FHIT: variants seen among roughly 807,000 people sequenced by gnomAD.
FHIT encodes the protein bis(5'-adenosyl)-triphosphatase.
FHIT carries 19 observed loss-of-function variants against 17.9 expected under a neutral mutation model. The observed-to-expected ratio is 1.06, with a 90% confidence interval of 0.74 to 1.56. The LOEUF is 1.56. Ranked by LOEUF, FHIT falls within the 40% of genes most tolerant of loss-of-function variation. The pLI is 0.00. For missense variants in FHIT, 248 were observed against 189.2 expected (o/e 1.31, Z -1.82); for synonymous variants, 81 against 69.7 (o/e 1.16, Z -0.81).
At chr3:59,805,717 T>C (rs888751729) in intron 8 of FHIT, among the ~76,000 whole-genome samples, 3 of 152,208 alleles carry the variant, frequency 2.0e-5, no homozygotes, top group Non-Finnish European at 4.4e-5. Context: ...CCTCCACTTA[T>C]CAGCTTTGTG....
At chr3:60,886,732 T>C (rs1402858278) in intron 3 of FHIT, among the ~76,000 whole-genome samples, 1 of 152,210 alleles carries the variant, frequency 6.6e-6, no homozygotes, top group Non-Finnish European at 1.5e-5. Flanking sequence ...TGTTCTTTTT[T>C]AAATAGATCT....
chr3:60,870,337 T>G (rs1553754774), intron 3 of FHIT, among the ~76,000 whole-genome samples: 1 of 151,884 alleles, frequency 6.6e-6, no homozygotes, highest in Non-Finnish European at 1.5e-5. Flanking sequence ...GTAGAAAAAG[T>G]GGTCAGTTGT....
At chr3:61,108,651 C>A (rs1483252306) in intron 2 of FHIT, among the ~76,000 whole-genome samples, 1 of 152,140 alleles carries the variant, frequency 6.6e-6, no homozygotes, top group Non-Finnish European at 1.5e-5. Flanking sequence ...GATCTTTGGG[C>A]CAGTGGTCTC....
At chr3:60,280,440 T>C (rs1019656100) in intron 5 of FHIT, among the ~76,000 whole-genome samples, 1 of 152,172 alleles carries the variant, frequency 6.6e-6, no homozygotes, top group Non-Finnish European at 1.5e-5. Flanking sequence ...GGTGAGAAGA[T>C]TACCCTAAGT....
intron 4 of FHIT, among the ~76,000 whole-genome samples, chr3:60,752,807 C>G (rs1159564065): frequency 2.6e-5 from 4 of 152,144 alleles, no homozygotes; most frequent in African/African-American, 4.8e-5. Flanking sequence ...GATGCCAAAA[C>G]AGATCCCACA....
chr3:60,343,568 A>G (rs1476528948), intron 5 of FHIT, among the ~76,000 whole-genome samples: 1 of 152,170 alleles, frequency 6.6e-6, no homozygotes, highest in African/African-American at 2.4e-5. Flanking sequence ...CAGATATGCT[A>G]CTAATACCAC....
intron 3 of FHIT, among the ~76,000 whole-genome samples, chr3:60,891,120 C>G (rs140612593): frequency 6.6e-6 from 1 of 152,250 alleles, no homozygotes; most frequent in Non-Finnish European, 1.5e-5. Context: ...TCCTAGAAGA[C>G]CTTCCTAGAA....
rs192040560 is a variant in FHIT, at chr3:59,751,791, T to C, written c.*5+430A>G. On this transcript the variant is annotated intron_variant, in intron 9 of 9. Transcript: ENST00000492590. ...AAGCAGAGGAGTTTGCCCGGGGGCG[T>C]GTTAGGGAGGCAGAGAAAGCTGGTT... is the stretch of plus-strand genomic sequence containing the variant. 3.4e-3 allele frequency: 797 copies of C among 236,500 alleles called. 3 individuals carry two copies. Among genetic ancestry groups the C allele is most frequent in the Non-Finnish European group, 4.8e-3 (580 of 120,626 alleles). The allele number at this position is 236,500 out of a possible 1,614,324, so 14.7% of individuals were successfully genotyped here.
chr3:60,125,664 GTATATATATGTGTGTGCGTGTGTACA>G (rs1405815524), intron 5 of FHIT, among the ~76,000 whole-genome samples: 1 of 134,630 alleles, frequency 7.4e-6, no homozygotes, highest in Non-Finnish European at 1.6e-5. Flanking sequence ...ATGTGTTTGT[GTATATATATGTGTGTGCGTGTGTACA>G]TATATATATG....
At chr3:60,528,026 T>A (rs962958790) in intron 5 of FHIT, among the ~76,000 whole-genome samples, 13 of 152,180 alleles carry the variant, frequency 8.5e-5, no homozygotes, top group Non-Finnish European at 1.3e-4. Context: ...CAGGCTAGAG[T>A]GCAGAGGTGC....
chr3:60,029,858 G>A (rs1300858882), intron 5 of FHIT, among the ~76,000 whole-genome samples: 1 of 126,486 alleles, frequency 7.9e-6, no homozygotes, highest in African/African-American at 3.1e-5. Context: ...CAGTTGTTGG[G>A]CAGATGTCCT....
intron 5 of FHIT, among the ~76,000 whole-genome samples, chr3:60,325,665 G>C (rs1275614781): frequency 6.6e-6 from 1 of 152,146 alleles, no homozygotes. Context: ...AATTTCTACA[G>C]TACAAGACAT....
chr3:60,211,662 T>C (rs1355544478), intron 5 of FHIT, among the ~76,000 whole-genome samples: 2 of 152,176 alleles, frequency 1.3e-5, no homozygotes, highest in African/African-American at 4.8e-5. Flanking sequence ...TCTGAGACTC[T>C]TGTGCATGTA....
chr3:60,392,607 A>G lies in FHIT; in HGVS notation c.103+144253T>C, dbSNP rs114048053. On this transcript the variant is annotated intron_variant, in intron 5 of 9. Transcript: ENST00000492590. ...CATACTTTCCACTCAGTGGGTGCCA[A>G]AACTGTTGCACACAGATCAGCTGCA... 4.9e-3 allele frequency among the ~76,000 whole-genome samples: 742 copies of G among 152,316 alleles called. 8 individuals carry two copies. The highest frequency in any genetic ancestry group is 0.017 in the African/African-American group (715 of 41,588).
intron 5 of FHIT, among the ~76,000 whole-genome samples, chr3:60,051,560 C>G (rs1701881239): frequency 6.6e-6 from 1 of 152,098 alleles, no homozygotes; most frequent in Non-Finnish European, 1.5e-5. Context: ...GCCACTTTAT[C>G]TCTCCAGCAC....
chr3:60,372,663 T>A (rs1381207802), intron 5 of FHIT, among the ~76,000 whole-genome samples: 1 of 152,246 alleles, frequency 6.6e-6, no homozygotes, highest in Admixed American at 6.5e-5. Context: ...ATTAGTGACA[T>A]CTACTTCAGT....
At chr3:61,158,068 C>A (rs1370767425) in intron 2 of FHIT, among the ~76,000 whole-genome samples, 2 of 152,148 alleles carry the variant, frequency 1.3e-5, no homozygotes, top group Non-Finnish European at 2.9e-5. Context: ...ACCTCTGTGA[C>A]CTGAGGTCCA....
chr3:60,832,715 A>G (rs1266800850), intron 3 of FHIT, among the ~76,000 whole-genome samples: 2 of 151,816 alleles, frequency 1.3e-5, no homozygotes, highest in South Asian at 2.1e-4. Context: ...CAGAGGCACC[A>G]TAAAAGTCGT....
chr3:60,463,732 C>A (rs943170423), intron 5 of FHIT, among the ~76,000 whole-genome samples: 10 of 152,150 alleles, frequency 6.6e-5, no homozygotes, highest in Non-Finnish European at 1.3e-4. Flanking sequence ...AAAACTTAGA[C>A]CAGTTGAAAC....
Sources: gnomAD v4.1 joint callset for allele counts (sites outside exome capture counted in the v4.1 genomes callset) on GRCh38, gnomAD v4.1.1 for gene constraint, MANE v1.5 for transcripts, NCBI Gene and HGNC (gene_info 2026-07-23, HGNC 2026-07-21) for gene names.